MINDY2: variants seen among roughly 807,000 people sequenced by gnomAD.
The protein encoded by MINDY2 is ubiquitin carboxyl-terminal hydrolase MINDY-2.
MINDY2 carries 52 observed loss-of-function variants against 68.2 expected under a neutral mutation model. The ratio of observed to expected loss-of-function variants is 0.76; its 90% CI spans 0.61 to 0.96. The LOEUF is 0.96. Among genes scored for constraint, MINDY2 ranks in the 40% least tolerant of loss-of-function variants. The probability of loss-of-function intolerance (pLI) is 0.00; values close to 1 mark genes in which losing one functional copy is unlikely to be tolerated. For synonymous variants in MINDY2, 372 were observed against 303.0 expected (o/e 1.23, Z -2.36); for missense variants, 881 against 773.4 (o/e 1.14, Z -1.65).
chr15:58,805,469 CATG>C (rs775458968), intron 3 of MINDY2, among the ~76,000 whole-genome samples: 1 of 152,102 alleles, frequency 6.6e-6, no homozygotes, highest in Non-Finnish European at 1.5e-5. Context: ...CACAAGAAAA[CATG>C]ATGTGTGTAT....
At chr15:58,810,741 A>G (rs1042466787) in intron 4 of MINDY2, among the ~76,000 whole-genome samples, 5 of 152,302 alleles carry the variant, frequency 3.3e-5, no homozygotes, top group East Asian at 1.9e-4. Context: ...TATACTCACC[A>G]TTACAGTTCA....
intron 6 of MINDY2, among the ~76,000 whole-genome samples, chr15:58,832,951 A>G (rs1489248766): frequency 6.6e-6 from 1 of 152,248 alleles, no homozygotes; most frequent in Non-Finnish European, 1.5e-5. Context: ...ATTAAACTTT[A>G]ATGACTTTAA....
rs1460315547 is a variant in MINDY2 at position 58,857,043 on chromosome 15, A to C, written c.*2433A>C. 9 of 152,204 alleles carry C rather than the reference A, an allele frequency of 5.9e-5. No individual in the cohort carries two copies. The highest frequency in any genetic ancestry group is 5.9e-4 in the Admixed American group (9 of 15,284). The allele number at this position is 152,204 out of a possible 1,614,324, so 9.4% of individuals were successfully genotyped here. ...AGATGTCAATGTATACTTACAAGGA[A>C]AAACTAAAAAATGTAATGTGTTAAT... On this transcript the variant is annotated 3_prime_UTR_variant, in exon 9 of 9. Transcript: ENST00000559228.
intron 8 of MINDY2, among the ~76,000 whole-genome samples, chr15:58,854,045 C>T (rs1214549502): frequency 6.6e-6 from 1 of 151,866 alleles, no homozygotes; most frequent in South Asian, 2.1e-4. Flanking sequence ...GAGTGTGAGA[C>T]CAGCCTGGCC....
chr15:58,819,069 C>T (rs1316862816), intron 4 of MINDY2, among the ~76,000 whole-genome samples: 1 of 152,100 alleles, frequency 6.6e-6, no homozygotes, highest in East Asian at 1.9e-4. Context: ...GCCTTGAACT[C>T]CTGGACTCAA....
Position 58,771,513 on chromosome 15 carries a change from G to T in MINDY2, c.118G>T (p.Gly40Cys). The T allele has an allele frequency of 3.1e-6, 5 of 1,612,298 alleles. No homozygotes were observed. Among genetic ancestry groups the T allele is most frequent in the Non-Finnish European group, 4.2e-6 (5 of 1,179,766 alleles). The part of the protein sequence containing the change: ...LQETRLAAGD[G>C]PGVWAAETSG... ...GGAGACCAGGCTCGCCGCTGGTGAT[G>T]GTCCTGGGGTATGGGCGGCGGAGAC... The change falls in exon 1 of 9, where the codon GGT (glycine) becomes TGT (cysteine). Residue 40 changes from glycine (G) to cysteine (C), a missense_variant. Transcript: ENST00000559228.
chr15:58,835,632 G>A (rs980972212), intron 6 of MINDY2, among the ~76,000 whole-genome samples: 6 of 152,050 alleles, frequency 3.9e-5, no homozygotes, highest in Non-Finnish European at 7.4e-5. Flanking sequence ...CAGCCTAAGC[G>A]ACAAGAGCGA....
At chr15:58,852,793 C>T (rs889099072) in intron 8 of MINDY2, among the ~76,000 whole-genome samples, 2 of 152,098 alleles carry the variant, frequency 1.3e-5, no homozygotes, top group African/African-American at 4.8e-5. Context: ...CCCTACTTTT[C>T]ACTTTCTGTA....
intron 2 of MINDY2, among the ~76,000 whole-genome samples, chr15:58,797,616 A>G (rs896184007): frequency 2.6e-5 from 4 of 152,218 alleles, no homozygotes; most frequent in Admixed American, 1.3e-4. Context: ...GGCTTGCATT[A>G]TATTTCAACT....
chr15:58,837,987 A>AAG (rs1428607789), intron 6 of MINDY2, among the ~76,000 whole-genome samples: 2 of 151,588 alleles, frequency 1.3e-5, no homozygotes, highest in African/African-American at 4.9e-5. Flanking sequence ...AAAAAAAAAA[A>AAG]AAAGGAAAAA....
chr15:58,804,210 A>G (rs1291133753), intron 3 of MINDY2, among the ~76,000 whole-genome samples: 46 of 152,240 alleles, frequency 3.0e-4, no homozygotes, highest in Non-Finnish European at 1.5e-4. Context: ...GGGAATTTGT[A>G]TCTTAAAACA....
intron 1 of MINDY2, among the ~76,000 whole-genome samples, chr15:58,784,161 A>G (rs956081687): frequency 6.6e-6 from 1 of 151,940 alleles, no homozygotes; most frequent in Non-Finnish European, 1.5e-5. Flanking sequence ...CCCCACCTCT[A>G]TAAAAAATAC....
chr15:58,796,228 T>G (rs1193404081), intron 2 of MINDY2: 15 of 442,190 alleles, frequency 3.4e-5, no homozygotes, highest in Admixed American at 3.2e-4. Context: ...TGAAGCATAG[T>G]TAGAATCTAT....
rs1902431374 is a variant in MINDY2 at position 58,798,473 on chromosome 15, GAGAC to G, written c.899-3836_899-3833del. Reference sequence around the variant, plus strand: ...GTAAAAAAAAATTTTTTTTTTTTTTGAGACAGAGTTTCACTCTTGTCACCCAGCC... The same window carrying G: ...GTAAAAAAAAATTTTTTTTTTTTTTGAGAGTTTCACTCTTGTCACCCAGCC... On this transcript the variant is annotated intron_variant, in intron 2 of 8. Transcript: ENST00000559228. Among the ~76,000 whole-genome samples the G allele has an allele frequency of 1.6e-4, 14 of 88,000 alleles. No individual in the cohort carries two copies. In the Admixed American group the frequency reaches 1.7e-3, roughly 10 times the overall value. The allele number at this position is 88,000 out of a possible 152,430, so 57.7% of individuals were successfully genotyped here.
At chr15:58,783,333 A>G (rs1334951544) in intron 1 of MINDY2, among the ~76,000 whole-genome samples, 1 of 152,186 alleles carries the variant, frequency 6.6e-6, no homozygotes, top group Non-Finnish European at 1.5e-5. Context: ...GTTGTTGAGT[A>G]CTTATTATAT....
chr15:58,771,355 G>C lies in MINDY2; in HGVS notation c.-41G>C. Reference sequence around the variant, plus strand: ...CGTCCAAGGCGCTGGCTGCGGAGAAGTGGCCGCGGTCTCCATAGAGCTGGG... The same window carrying C: ...CGTCCAAGGCGCTGGCTGCGGAGAACTGGCCGCGGTCTCCATAGAGCTGGG... On this transcript the variant is annotated 5_prime_UTR_variant, in exon 1 of 9. Coordinates refer to ENST00000559228, the MANE Select transcript of MINDY2 (RefSeq NM_001040450.3). 6.4e-7 allele frequency: 1 copy of C among 1,570,188 alleles called. No homozygotes were observed. Among genetic ancestry groups the C allele is most frequent in the Non-Finnish European group, 8.6e-7 (1 of 1,160,646 alleles).
intron 2 of MINDY2, among the ~76,000 whole-genome samples, chr15:58,797,619 T>C (rs1228461978): frequency 6.6e-6 from 1 of 152,216 alleles, no homozygotes; most frequent in Non-Finnish European, 1.5e-5. Context: ...TTGCATTATA[T>C]TTCAACTGGA....
At chr15:58,810,593 C>A (rs1003473458) in intron 4 of MINDY2, among the ~76,000 whole-genome samples, 7 of 152,202 alleles carry the variant, frequency 4.6e-5, no homozygotes, top group South Asian at 2.1e-4. Flanking sequence ...AGCTAGGGCC[C>A]AACTACAAGG....
At chr15:58,824,141 C>CT (rs1201060852) in intron 5 of MINDY2, among the ~76,000 whole-genome samples, 1 of 152,086 alleles carries the variant, frequency 6.6e-6, no homozygotes, top group African/African-American at 2.4e-5. Flanking sequence ...CCAATTCTGG[C>CT]TACAAATACA....
Sources: allele counts gnomAD v4.1 joint callset (sites outside exome capture counted in the v4.1 genomes callset), GRCh38; gene constraint gnomAD v4.1.1; transcripts MANE v1.5; gene names NCBI Gene and HGNC (gene_info 2026-07-23, HGNC 2026-07-21).